Variants in GRK6 observed in about 807,000 individuals in gnomAD.
GRK6 encodes G protein-coupled receptor kinase 6.
In GRK6, 37 loss-of-function variants were observed where a neutral mutation model predicts 80.8. The ratio of observed to expected loss-of-function variants is 0.46; its 90% CI spans 0.35 to 0.60. The LOEUF (loss-of-function observed/expected upper bound fraction) is 0.60. GRK6 is among the 20% of genes least tolerant of loss of function. GRK6 has a pLI of 0.00. For missense variants in GRK6, 560 were observed against 784.6 expected (o/e 0.71, Z 3.42); for synonymous variants, 295 against 320.9 (o/e 0.92, Z 0.86).
rs772896199 is a variant in GRK6, at chr5:177,436,545, C to G, written c.1404+15C>G. 1.3e-6 allele frequency: 2 copies of G among 1,560,884 alleles called. No individual in the cohort carries two copies. The highest frequency in any genetic ancestry group is 4.5e-5 in the East Asian group (2 of 44,340). On this transcript the variant is annotated intron_variant, in intron 13 of 15. Coordinates refer to ENST00000355472, the MANE Select transcript of GRK6 (RefSeq NM_001004106.3). ...TCAAGCCTGACGTGAGTGCAGCCCACTCCTGCTGAGGGCGGGGCCCAGCCA... is the reference window on the plus strand; with the variant it reads ...TCAAGCCTGACGTGAGTGCAGCCCAGTCCTGCTGAGGGCGGGGCCCAGCCA...
intron 15 of GRK6, chr5:177,441,257 T>C: frequency 6.4e-7 from 1 of 1,565,184 alleles, no homozygotes; most frequent in Non-Finnish European, 8.7e-7. Context: ...GTGAGCAGTG[T>C]GGGCTCCCCG....
At chr5:177,433,009 T>C (rs1377953887) in intron 5 of GRK6, 138 bp from the exon 6 acceptor site, 2 of 813,358 alleles carry the variant, frequency 2.5e-6, no homozygotes, top group South Asian at 1.6e-5. Flanking sequence ...GTCTCCCCGC[T>C]CAGGGGTTAG....
Position 177,436,585 on chromosome 5 carries a change from G to A in GRK6, c.1404+55G>A, listed in dbSNP as rs2127377830. The A allele has an allele frequency of 2.0e-6, 3 of 1,494,754 alleles. No individual in the cohort carries two copies. The East Asian group carries it at 6.8e-5, about 34-fold the overall frequency. 92.6% of individuals were successfully genotyped at this position (1,494,754 alleles called of 1,614,324 possible). On this transcript the variant is annotated intron_variant, in intron 13 of 15. Transcript: ENST00000355472. ...GGGCCCAGCCAGGGCTGGGGCTCAGGGGCTCTTGTAGTATCAGCCAGGATG... is the reference window on the plus strand; with the variant it reads ...GGGCCCAGCCAGGGCTGGGGCTCAGAGGCTCTTGTAGTATCAGCCAGGATG...
intron 3 of GRK6, 44 bp downstream of exon 3, chr5:177,432,151 T>C (rs1237203062): frequency 1.2e-6 from 2 of 1,607,444 alleles, no homozygotes; most frequent in African/African-American, 1.3e-5. Context: ...GTGGCCGAGG[T>C]CCTGGCCCCA....
Position 177,432,761 on chromosome 5 carries a change from G to C in GRK6, c.395G>C (p.Arg132Pro). The change falls in exon 5 of 16, where the codon CGG (arginine) becomes CCG (proline). Residue 132 changes from arginine to proline, a missense_variant. By Grantham distance (103) the Arg-to-Pro change is moderately radical (BLOSUM62 -2). Around this residue, in one of 3 missense-constraint regions of GRK6, gnomAD observed 189 missense variants for 230.2 expected, o/e 0.82. Coordinates refer to ENST00000355472, the MANE Select transcript of GRK6 (RefSeq NM_001004106.3). ...CAGCTGGTGACGAACTGCACCCAGC[G>C]GCTGGAGCAGGGTCCCTGCAAAGAC... Reference protein sequence around the residue: ...PRQLVTNCTQRLEQGPCKDLF... With the variant: ...PRQLVTNCTQPLEQGPCKDLF... 3.1e-6 allele frequency: 5 copies of C among 1,612,462 alleles called. No individual in the cohort carries two copies. The highest frequency in any genetic ancestry group is 4.2e-6 in the Non-Finnish European group (5 of 1,179,512).
chr5:177,436,023 G>A (rs750758390), intron 11 of GRK6, 50 bp from the exon 12 acceptor site: 7 of 1,514,778 alleles, frequency 4.6e-6, no homozygotes, highest in East Asian at 4.6e-5. Flanking sequence ...GGGCCTGAGG[G>A]TCCACTGCCC....
At chr5:177,435,570 C>T (rs1764104696) in intron 11 of GRK6, among the ~76,000 whole-genome samples, 1 of 152,182 alleles carries the variant, frequency 6.6e-6, no homozygotes, top group South Asian at 2.1e-4. Flanking sequence ...CCAGACACTC[C>T]GCTGCTCCCG....
rs1763854259 is a variant in GRK6 at position 177,430,783 on chromosome 5, G to A, written c.53-89G>A. ...GTTCTGCCTCAGCTCTGCCTTGGCT[G>A]GGCCCTAGAGGCCGTGGACCGCACT... On this transcript the variant is annotated intron_variant, in intron 1 of 15. Coordinates refer to ENST00000355472, the MANE Select transcript of GRK6 (RefSeq NM_001004106.3). 6 of 1,120,238 alleles carry A rather than the reference G, an allele frequency of 5.4e-6. No individual in the cohort carries two copies. In the East Asian group the frequency reaches 7.3e-5, roughly 14 times the overall value. The allele number at this position is 1,120,238 out of a possible 1,614,324, so 69.4% of individuals were successfully genotyped here.
intron 5 of GRK6, 74 bp from the exon 6 acceptor site, chr5:177,433,073 G>C: frequency 7.6e-7 from 1 of 1,310,318 alleles, no homozygotes; most frequent in Non-Finnish European, 1.1e-6. Flanking sequence ...CAGAACGGGA[G>C]GCCTGGCCCA....
In GRK6 at chr5:177,436,200, G is replaced by C. The variant is rs752211378; in HGVS notation, c.1185G>C (p.Glu395Asp). 8 of 1,614,226 alleles carry C rather than the reference G, an allele frequency of 5.0e-6. No homozygotes were observed. Among genetic ancestry groups the C allele is most frequent in the Non-Finnish European group, 5.9e-6 (7 of 1,180,034 alleles). ...AGAGGAAGAAGAAGATCAAGCGGGA[G>C]GAGGTGGAGCGGCTGGTGAAGGAGG... ...FQQRKKKIKREEVERLVKEVP... is the reference protein window; with the variant it reads ...FQQRKKKIKRDEVERLVKEVP... Residue 395 changes from glutamate (E) to aspartate (D), a missense_variant, in exon 12 of 16, where the codon GAG becomes GAC. By Grantham distance (45) the Glu-to-Asp change is conservative. Coordinates refer to ENST00000355472, the MANE Select transcript of GRK6 (RefSeq NM_001004106.3).
chr5:177,430,026 T>G (rs1763821506), intron 1 of GRK6, among the ~76,000 whole-genome samples: 1 of 152,132 alleles, frequency 6.6e-6, no homozygotes, highest in Admixed American at 6.5e-5. Context: ...AGTGAGTTTT[T>G]TTTTTTTTTT....
intron 15 of GRK6, 21 bp from the exon 16 acceptor site, chr5:177,441,716 G>C (rs201068437): frequency 1.3e-6 from 2 of 1,595,328 alleles, no homozygotes; most frequent in Non-Finnish European, 1.7e-6. Context: ...CCCTCCCTCC[G>C]TGTCTTCCCC....
intron 5 of GRK6, 122 bp from the exon 6 acceptor site, chr5:177,433,025 G>T (rs1464397180): frequency 1.4e-5 from 12 of 882,440 alleles, no homozygotes; most frequent in Non-Finnish European, 2.2e-5. Flanking sequence ...GTTAGCAGGA[G>T]GACTGGCCGA....
chr5:177,431,846 G>T, intron 2 of GRK6, 149 bp from the exon 3 acceptor site: 4 of 715,108 alleles, frequency 5.6e-6, no homozygotes, highest in Non-Finnish European at 9.8e-6. Flanking sequence ...CCCACCTGAG[G>T]GTTGTGGTGA....
At chr5:177,430,051 C>A (rs1763822519) in intron 1 of GRK6, among the ~76,000 whole-genome samples, 1 of 151,574 alleles carries the variant, frequency 6.6e-6, no homozygotes, top group South Asian at 2.1e-4. Context: ...AAAATGGGGG[C>A]CAATATTTTA....
At chr5:177,433,267 C>T (rs746656448) in intron 6 of GRK6, 28 bp downstream of exon 6, 1 of 1,613,300 alleles carries the variant, frequency 6.2e-7, no homozygotes, top group Non-Finnish European at 8.5e-7. Flanking sequence ...TGGGCCGGGA[C>T]AGGCCAGGTC....
In GRK6 at chr5:177,435,137, C is replaced by G. The variant is rs1247519500; in HGVS notation, c.1057+16C>G. The G allele has an allele frequency of 6.3e-7, 1 of 1,574,820 alleles. No individual in the cohort carries two copies. Among genetic ancestry groups the G allele is most frequent in the East Asian group, 2.3e-5 (1 of 44,430 alleles). On this transcript the variant is annotated intron_variant, in intron 11 of 15. Coordinates refer to ENST00000355472, the MANE Select transcript of GRK6 (RefSeq NM_001004106.3). ...GGTTACATGGGTGAGTCTTCTCTGC[C>G]CGGCCCACTAGCCTCCTGGGTTCCC...
intron 4 of GRK6, among the ~76,000 whole-genome samples, 163 bp downstream of exon 4, chr5:177,432,473 G>A (rs945139174): frequency 6.6e-6 from 1 of 152,234 alleles, no homozygotes; most frequent in Non-Finnish European, 1.5e-5. Context: ...GCAGCACGGC[G>A]GGCATGCAGC....
rs892866082 is a variant in GRK6 at position 177,428,686 on chromosome 5, G to A, written c.52+1789G>A. ...CCTGCCTCTGGCCTCCCTAATTGCT[G>A]GGATTATAGGCATGAGCCACCGCGC... is the stretch of plus-strand genomic sequence containing the variant. On this transcript the variant is annotated intron_variant, in intron 1 of 15. Coordinates refer to ENST00000355472, the MANE Select transcript of GRK6 (RefSeq NM_001004106.3). The surrounding 1 kb of genome is among the most constrained non-coding windows in gnomAD (Gnocchi z 4.1). 1.3e-5 allele frequency among the ~76,000 whole-genome samples: 2 copies of A among 152,200 alleles called. No homozygotes were observed. The highest frequency in any genetic ancestry group is 4.8e-5 in the African/African-American group (2 of 41,450).
Sources: gnomAD v4.1 joint callset for allele counts (sites outside exome capture counted in the v4.1 genomes callset) on GRCh38, gnomAD v4.1.1 for gene constraint, gnomAD v4.1.1 regional missense constraint, Gnocchi (gnomAD v3.1) non-coding constraint, MANE v1.5 for transcripts, NCBI Gene and HGNC (gene_info 2026-07-23, HGNC 2026-07-21) for gene names.